FBXW9: variants seen among roughly 807,000 people sequenced by gnomAD.
The protein encoded by FBXW9 is F-box and WD repeat domain containing 9.
In FBXW9, 38 loss-of-function variants were observed where a neutral mutation model predicts 55.8. That is an observed-to-expected ratio of 0.68 (90% CI 0.53 to 0.89). FBXW9 has a LOEUF of 0.89. Among genes scored for constraint, FBXW9 ranks in the 40% least tolerant of loss-of-function variants. The pLI is 0.00. For missense variants in FBXW9, 590 were observed against 619.4 expected, an observed-to-expected ratio of 0.95 and a Z score of 0.50; for synonymous variants, 289 against 278.2, an observed-to-expected ratio of 1.04 and a Z score of -0.38.
chr19:12,692,743 C>T (rs917467542), intron 3 of FBXW9, among the ~76,000 whole-genome samples: 10 of 152,070 alleles, frequency 6.6e-5, no homozygotes, highest in African/African-American at 1.9e-4. Context: ...AGGCTGGTCT[C>T]GAACTCCTGG....
rs767817750 is a variant in FBXW9 at position 12,694,702 on chromosome 19, C to T, written c.570G>A (p.Ser190=). The change falls in exon 3 of 10, where the codon TCG becomes TCA. Residue 190 remains serine, a synonymous_variant. Transcript: ENST00000393261. ...AGTTGACGTTGCGATCTCGGGAGCC[C>T]GACAGACAGAGTGACCCACCCTGGA... ...LLLQGGSLCL[S]GSRDRNVNLW... 4.3e-5 allele frequency: 69 copies of T among 1,614,066 alleles called. No homozygotes were observed. In the Middle Eastern group the frequency reaches 6.6e-4, roughly 15 times the overall value.
Position 12,692,696 on chromosome 19 carries a change from G to A in FBXW9, c.679-1242C>T, listed in dbSNP as rs115331883. Among the ~76,000 whole-genome samples, 574 of 151,300 alleles carry A rather than the reference G, an allele frequency of 3.8e-3. 3 individuals are homozygous for A. The highest frequency in any genetic ancestry group is 0.013 in the African/African-American group (544 of 41,234). ...ACGCACCACGCCTGGCTAATTATTT[G>A]GTATTTTTTGTAGAGTCAGGGTCTC... On this transcript the variant is annotated intron_variant, in intron 3 of 9. Transcript: ENST00000393261.
In FBXW9 at chr19:12,689,536, C is replaced by T. The variant is rs530614098; in HGVS notation, c.1236+5G>A. On this transcript the variant is annotated splice_donor_5th_base_variant and intron_variant, in intron 8 of 9. Coordinates refer to ENST00000393261, the MANE Select transcript of FBXW9 (RefSeq NM_032301.3). This position sits in a 1 kb window ranked among gnomAD's most constrained non-coding sequence, Gnocchi z 5.9. ...CCTGGGGTGGGGGCTGGGCAGGAGCCTCACCCGGATGGTCTTGTCAGTGGA... is the reference window on the plus strand; with the variant it reads ...CCTGGGGTGGGGGCTGGGCAGGAGCTTCACCCGGATGGTCTTGTCAGTGGA... The T allele has an allele frequency of 9.3e-6, 15 of 1,614,056 alleles. No homozygotes were observed. Among genetic ancestry groups the T allele is most frequent in the South Asian group, 8.8e-5 (8 of 91,088 alleles).
intron 2 of FBXW9, 27 bp from the exon 3 acceptor site, chr19:12,694,749 C>G (rs1326095763): frequency 6.2e-7 from 1 of 1,613,862 alleles, no homozygotes; most frequent in Non-Finnish European, 8.5e-7. Context: ...GTGATGTTGT[C>G]AGGGCCACCC....
In FBXW9 at chr19:12,689,237, C is replaced by G; in HGVS notation, c.1356G>C (p.Glu452Asp). 6.2e-7 allele frequency: 1 copy of G among 1,613,860 alleles called. No homozygotes were observed. Among genetic ancestry groups the G allele is most frequent in the Non-Finnish European group, 8.5e-7 (1 of 1,179,686 alleles). The change falls in exon 10 of 10, where the codon GAG becomes GAC. Residue 452 changes from glutamate to aspartate, a missense_variant. Coordinates refer to ENST00000393261, the MANE Select transcript of FBXW9 (RefSeq NM_032301.3). This position sits in a 1 kb window ranked among gnomAD's most constrained non-coding sequence, Gnocchi z 5.9. Reference protein sequence around the residue: ...VVAGSGDLSLEVWRLQA With the variant: ...VVAGSGDLSLDVWRLQA ...CTGCTCAGGCCTGCAGCCTCCAGAC[C>G]TCTAGCGACAGGTCTCCAGAGCCGG... is the stretch of plus-strand genomic sequence containing the variant.
rs781372876 is a variant in FBXW9 at position 12,694,650 on chromosome 19, C to T, written c.622G>A (p.Glu208Lys). ...NLWDLRQLGT[E>K]SNQVLIKTLG... ...GTCTTGATCAGAACCTGGTTGGACTCCGTCCCCAGCTGCCGCAGGTCCCAC... is the reference window on the plus strand; with the variant it reads ...GTCTTGATCAGAACCTGGTTGGACTTCGTCCCCAGCTGCCGCAGGTCCCAC... Residue 208 changes from glutamate (E) to lysine (K), a missense_variant, in exon 3 of 10, where the codon GAG (glutamate) becomes AAG (lysine). Transcript: ENST00000393261. The T allele has an allele frequency of 1.2e-6, 2 of 1,614,198 alleles. No homozygotes were observed. Among genetic ancestry groups the T allele is most frequent in the Admixed American group, 3.3e-5 (2 of 60,010 alleles).
At position 12,690,034 on chromosome 19, in the gene FBXW9, G is replaced by T; in HGVS notation, c.960C>A (p.Ile320=). The T allele has an allele frequency of 6.2e-7, 1 of 1,614,076 alleles. No individual in the cohort carries two copies. Among genetic ancestry groups the T allele is most frequent in the Non-Finnish European group, 8.5e-7 (1 of 1,180,032 alleles). The change falls in exon 6 of 10, where the codon ATC becomes ATA. Residue 320 remains isoleucine (I), a synonymous_variant. Coordinates refer to ENST00000393261, the MANE Select transcript of FBXW9 (RefSeq NM_032301.3). ...VLTLLADDRH[I]ISGSEDHTLV... ...GGGTGTGGTCCTCGCTGCCTGAGAT[G>T]ATGTGCCGGTCATCCGCCAGCAGGG...
chr19:12,695,034 T>C (rs781461305), intron 1 of FBXW9, 96 bp from the exon 2 acceptor site: 5 of 1,399,414 alleles, frequency 3.6e-6, no homozygotes, highest in Non-Finnish European at 4.8e-6. Context: ...GAGCCCACAC[T>C]ACACCAGACT....
chr19:12,689,093 C>G lies in FBXW9; in HGVS notation c.*123G>C, dbSNP rs1199554556. 1.2e-6 allele frequency: 1 copy of G among 837,540 alleles called. No homozygotes were observed. The highest frequency in any genetic ancestry group is 2.0e-6 in the Non-Finnish European group (1 of 494,364). 51.9% of individuals were successfully genotyped at this position (837,540 alleles called of 1,614,324 possible). On this transcript the variant is annotated 3_prime_UTR_variant, in exon 10 of 10. Transcript: ENST00000393261. This position sits in a 1 kb window ranked among gnomAD's most constrained non-coding sequence, Gnocchi z 5.9. ...GGCCAGGACGCTCACCCGAATGTGG[C>G]TGGGACTCCTTGTGCCCTAGGCCCA...
At position 12,694,791 on chromosome 19, in the gene FBXW9, C is replaced by T. The variant is rs373904893; in HGVS notation, c.549+8G>A. On this transcript the variant is annotated splice_region_variant and intron_variant, in intron 2 of 9. Coordinates refer to ENST00000393261, the MANE Select transcript of FBXW9 (RefSeq NM_032301.3). ...ACCCTGCCTGGCCCCCCACAGACCC[C>T]GTCTCACCTGGAGCAGCAGCACTGA... 41 of 1,613,780 alleles carry T rather than the reference C, an allele frequency of 2.5e-5. No individual in the cohort carries two copies. The highest frequency in any genetic ancestry group is 5.0e-5 in the Admixed American group (3 of 59,988).
Position 12,696,390 on chromosome 19 carries a change from C to T in FBXW9, c.192G>A (p.Glu64=). 1 of 1,611,606 alleles carries T rather than the reference C, an allele frequency of 6.2e-7. No homozygotes were observed. Among genetic ancestry groups the T allele is most frequent in the East Asian group, 2.2e-5 (1 of 44,858 alleles). The change falls in exon 1 of 10, where the codon GAG becomes GAA. Residue 64 remains glutamate, a synonymous_variant. Coordinates refer to ENST00000393261, the MANE Select transcript of FBXW9 (RefSeq NM_032301.3). The stretch of plus-strand genomic sequence containing the variant: ...CCGAAACCCTGGACGCGGCCCGAGG[C>T]TCCGAAGCGCTCGGGGACGCGGCGG... ...STPAASPSAS[E]PRAASRVSAV...
At chr19:12,690,688 G>A (rs892587349) in intron 5 of FBXW9, among the ~76,000 whole-genome samples, 1 of 152,162 alleles carries the variant, frequency 6.6e-6, no homozygotes, top group African/African-American at 2.4e-5. Flanking sequence ...GGAAGCTGAG[G>A]TGGGTGGATC....
At chr19:12,692,996 G>A (rs930186440) in intron 3 of FBXW9, among the ~76,000 whole-genome samples, 1 of 152,102 alleles carries the variant, frequency 6.6e-6, no homozygotes. Context: ...CTTGCCTCAG[G>A]AGCTAATATG....
chr19:12,693,501 GAAAAAAAAAAAA>G (rs1214446276), intron 3 of FBXW9, among the ~76,000 whole-genome samples: 31 of 2,126 alleles, frequency 0.015, no homozygotes, highest in African/African-American at 0.022. Context: ...TCTACTAAAG[GAAAAAAAAAAAA>G]AAAAAAAAAA....
In FBXW9 at chr19:12,696,337, A is replaced by C; in HGVS notation, c.245T>G (p.Leu82Arg). The change falls in exon 1 of 10, where the codon CTT becomes CGT. Residue 82 changes from leucine (L) to arginine (R), a missense_variant. Physicochemically the swap from Leu to Arg is moderately radical, Grantham distance 102. Coordinates refer to ENST00000393261, the MANE Select transcript of FBXW9 (RefSeq NM_032301.3). ...GATCTCGAGCAGCAGCTCCGGGGGA[A>C]GGCTCAGAAGGCCCGGCTCACTTAC... Reference protein sequence around the residue: ...SAVSEPGLLSLPPELLLEICS... With the variant: ...SAVSEPGLLSRPPELLLEICS... 2.5e-6 allele frequency: 4 copies of C among 1,596,904 alleles called. No homozygotes were observed. The South Asian group carries it at 4.5e-5, about 18-fold the overall frequency.
At chr19:12,692,518 A>C in intron 3 of FBXW9, among the ~76,000 whole-genome samples, 1 of 135,592 alleles carries the variant, frequency 7.4e-6, no homozygotes, top group Non-Finnish European at 1.5e-5. Flanking sequence ...GAGCCACTGC[A>C]TCCGGTCTTT....
At chr19:12,690,158 G>GT (rs2024987218) in intron 5 of FBXW9, 48 bp from the exon 6 acceptor site, 1 of 1,610,178 alleles carries the variant, frequency 6.2e-7, no homozygotes, top group Non-Finnish European at 8.5e-7. Context: ...GCCCCTCGAA[G>GT]GCCCCCCCCA....
chr19:12,696,410 C>G lies in FBXW9; in HGVS notation c.172G>C (p.Ala58Pro). Residue 58 changes from alanine (A) to proline (P), a missense_variant, in exon 1 of 10, where the codon GCG (alanine) becomes CCG (proline). Coordinates refer to ENST00000393261, the MANE Select transcript of FBXW9 (RefSeq NM_032301.3). ...SRPSQLSTPA[A>P]SPSASEPRAA... ...CGAGGCTCCGAAGCGCTCGGGGACG[C>G]GGCGGGTGTGGATAGCTGCGAGGGG... 6.2e-7 allele frequency: 1 copy of G among 1,611,570 alleles called. No individual in the cohort carries two copies. Among genetic ancestry groups the G allele is most frequent in the Non-Finnish European group, 8.5e-7 (1 of 1,179,540 alleles).
intron 3 of FBXW9, 69 bp from the exon 4 acceptor site, chr19:12,691,523 T>G: frequency 7.4e-7 from 1 of 1,344,514 alleles, no homozygotes; most frequent in Non-Finnish European, 1.0e-6. Context: ...GATCGTTCTG[T>G]TTTTGCAGGT....
Sources: gnomAD v4.1 joint callset for allele counts (sites outside exome capture counted in the v4.1 genomes callset) on GRCh38, gnomAD v4.1.1 for gene constraint, Gnocchi (gnomAD v3.1) non-coding constraint, MANE v1.5 for transcripts, NCBI Gene and HGNC (gene_info 2026-07-23, HGNC 2026-07-21) for gene names.